The following CDC42 variants were observed in gnomAD, a reference collection of about 807,000 sequenced individuals.
CDC42 encodes cell division control protein 42 homolog.
In CDC42, 1 loss-of-function variant was observed where a neutral mutation model predicts 20.8. The observed-to-expected ratio is 0.05, with a 90% confidence interval of 0.02 to 0.23. The LOEUF (loss-of-function observed/expected upper bound fraction) is 0.23. CDC42 is among the 10% of genes least tolerant of loss of function. The pLI, the probability that CDC42 is intolerant of heterozygous loss-of-function variation, is 1.00. For synonymous variants in CDC42, 72 were observed against 84.8 expected (o/e 0.85, Z 0.83); for missense variants, 49 against 227.9 (o/e 0.21, Z 5.05).
chr1:22,061,852 C>T (rs1343235754), intron 1 of CDC42, among the ~76,000 whole-genome samples: 4 of 150,500 alleles, frequency 2.7e-5, no homozygotes, highest in Admixed American at 2.0e-4. Flanking sequence ...TGAGCCACTG[C>T]GCCCGGCCTA....
At chr1:22,089,341 C>G (rs1342363910) in intron 5 of CDC42, among the ~76,000 whole-genome samples, 1 of 152,186 alleles carries the variant, frequency 6.6e-6, no homozygotes, top group Non-Finnish European at 1.5e-5. Flanking sequence ...AAGCACTGGA[C>G]TGCTTGCTAA....
At chr1:22,089,346 T>C (rs1357553796) in intron 5 of CDC42, among the ~76,000 whole-genome samples, 2 of 152,212 alleles carry the variant, frequency 1.3e-5, no homozygotes, top group African/African-American at 4.8e-5. Context: ...CTGGACTGCT[T>C]GCTAAAACTC....
intron 1 of CDC42, among the ~76,000 whole-genome samples, chr1:22,069,462 C>G (rs1164675780): frequency 6.6e-6 from 1 of 151,614 alleles, no homozygotes; most frequent in African/African-American, 2.4e-5. Context: ...AGGCGTGAGC[C>G]ACCACGCTTG....
At chr1:22,069,170 CTTTTTTTTTTT>C (rs71724070) in intron 1 of CDC42, among the ~76,000 whole-genome samples, 111 of 80,822 alleles carry the variant, frequency 1.4e-3, no homozygotes, top group Middle Eastern at 7.7e-3. Context: ...CATTTTATTC[CTTTTTTTTTTT>C]TTTTTTTTTT....
At chr1:22,083,777 T>C (rs1179556078) in intron 3 of CDC42, among the ~76,000 whole-genome samples, 1 of 152,198 alleles carries the variant, frequency 6.6e-6, no homozygotes, top group East Asian at 1.9e-4. Context: ...ATGTGAGTGT[T>C]TATTTCTGGG....
At chr1:22,066,730 A>C (rs1217015710) in intron 1 of CDC42, among the ~76,000 whole-genome samples, 1 of 152,112 alleles carries the variant, frequency 6.6e-6, no homozygotes, top group African/African-American at 2.4e-5. Flanking sequence ...GTGAGAAGCC[A>C]AAAGCTTTAA....
At position 22,099,866 on chromosome 1, in the gene CDC42, G is replaced by T. The variant is rs997922468; in HGVS notation, c.*8349G>T. Among the ~76,000 whole-genome samples, 1 of 151,304 alleles carries T rather than the reference G, an allele frequency of 6.6e-6. No individual in the cohort carries two copies. Among genetic ancestry groups the T allele is most frequent in the African/African-American group, 2.4e-5 (1 of 41,114 alleles). ...TCAGCAATCCCCCATTTTTTCATAT[G>T]TGGAAACTGAGGCATGTTATGATAC... On this transcript the variant is annotated 3_prime_UTR_variant, in exon 6 of 6. Coordinates refer to ENST00000656825, the MANE Select transcript of CDC42 (RefSeq NM_001791.4).
At chr1:22,086,314 T>G in intron 3 of CDC42, 125 bp from the exon 4 acceptor site, 1 of 621,750 alleles carries the variant, frequency 1.6e-6, no homozygotes, top group Non-Finnish European at 2.9e-6. Flanking sequence ...CATATTATAT[T>G]ACAAAGCCAT....
chr1:22,091,355 G>A (rs974286793), intron 5 of CDC42, 73 bp from the exon 6 acceptor site: 15 of 933,632 alleles, frequency 1.6e-5, no homozygotes, highest in Middle Eastern at 4.3e-4. Context: ...GGGTTTGAAT[G>A]TTTTAAATTT....
At chr1:22,070,890 C>G (rs1302342023) in intron 1 of CDC42, among the ~76,000 whole-genome samples, 1 of 152,032 alleles carries the variant, frequency 6.6e-6, no homozygotes, top group African/African-American at 2.4e-5. Context: ...TATAAATGAC[C>G]CTGTCTCCTT....
At chr1:22,087,984 C>T (rs1645677719) in intron 5 of CDC42, among the ~76,000 whole-genome samples, 3 of 152,248 alleles carry the variant, frequency 2.0e-5, no homozygotes, top group Admixed American at 6.5e-5. Context: ...AAAATAACTT[C>T]GAGGCCTAGT....
intron 3 of CDC42, among the ~76,000 whole-genome samples, chr1:22,082,325 G>A (rs552330642): frequency 2.0e-5 from 3 of 152,198 alleles, no homozygotes; most frequent in African/African-American, 7.2e-5. Context: ...AGTTTCTTAC[G>A]ATAGATAGCT....
chr1:22,063,604 A>C (rs1645389137), intron 1 of CDC42, among the ~76,000 whole-genome samples: 1 of 152,216 alleles, frequency 6.6e-6, no homozygotes, highest in Non-Finnish European at 1.5e-5. Context: ...CTTCAACTGC[A>C]CACATACCAG....
rs1645762850 is a variant in CDC42 at position 22,097,055 on chromosome 1, T to C, written c.*5538T>C. Among the ~76,000 whole-genome samples the C allele has an allele frequency of 6.6e-6, 1 of 152,244 alleles. No individual in the cohort carries two copies. The highest frequency in any genetic ancestry group is 1.5e-5 in the Non-Finnish European group (1 of 68,046). Reference sequence around the variant, plus strand: ...TTTGTAATCCTTTTTAGTTCATATGTCACAATCACAGAATTGAGACTAGCT... The same window carrying C: ...TTTGTAATCCTTTTTAGTTCATATGCCACAATCACAGAATTGAGACTAGCT... On this transcript the variant is annotated 3_prime_UTR_variant, in exon 6 of 6. Transcript: ENST00000656825.
intron 1 of CDC42, among the ~76,000 whole-genome samples, chr1:22,053,123 G>A (rs1645254836): frequency 1.3e-5 from 2 of 151,360 alleles, no homozygotes; most frequent in Admixed American, 6.6e-5. Flanking sequence ...AAGGGCGGCC[G>A]GGGGCCTCAG....
chr1:22,061,087 A>G (rs2152826862), intron 1 of CDC42, among the ~76,000 whole-genome samples: 1 of 152,342 alleles, frequency 6.6e-6, no homozygotes, highest in Non-Finnish European at 1.5e-5. Flanking sequence ...TCTGAAAGAC[A>G]TTTCCATGGG....
At chr1:22,083,938 AT>A (rs1645633615) in intron 3 of CDC42, among the ~76,000 whole-genome samples, 1 of 152,106 alleles carries the variant, frequency 6.6e-6, no homozygotes. Context: ...ACATAGCATA[AT>A]GTTTGTGAGA....
At chr1:22,068,981 G>T (rs1402518360) in intron 1 of CDC42, among the ~76,000 whole-genome samples, 1 of 152,104 alleles carries the variant, frequency 6.6e-6, no homozygotes, top group Non-Finnish European at 1.5e-5. Context: ...GTACCCCACT[G>T]GAATTGTTGC....
rs1166884395 is a variant in CDC42 at position 22,097,387 on chromosome 1, G to A, written c.*5870G>A. Among the ~76,000 whole-genome samples the A allele has an allele frequency of 2.0e-5, 3 of 152,182 alleles. No individual in the cohort carries two copies. The highest frequency in any genetic ancestry group is 2.9e-5 in the Non-Finnish European group (2 of 68,038). The stretch of plus-strand genomic sequence containing the variant: ...CTCCCAAGTAGCTGGGACTACAGGC[G>A]TGAGCCACCGTGCCTGGCTAATTTT... On this transcript the variant is annotated 3_prime_UTR_variant, in exon 6 of 6. Coordinates refer to ENST00000656825, the MANE Select transcript of CDC42 (RefSeq NM_001791.4).
Sources: allele counts gnomAD v4.1 joint callset (sites outside exome capture counted in the v4.1 genomes callset), GRCh38; gene constraint gnomAD v4.1.1; transcripts MANE v1.5; gene names NCBI Gene and HGNC (gene_info 2026-07-23, HGNC 2026-07-21).